The following NAA30 variants were observed in gnomAD, a reference collection of about 807,000 sequenced individuals.
NAA30 encodes N-alpha-acetyltransferase 30.
A neutral mutation model predicts 31.4 loss-of-function variants in NAA30; 5 were observed. That is an observed-to-expected ratio of 0.16 (90% CI 0.08 to 0.33). NAA30 has a LOEUF of 0.33. Ranked by LOEUF, NAA30 falls within the 10% of genes least tolerant of loss-of-function variation. NAA30 has a pLI of 1.00. For missense variants in NAA30, 428 were observed against 490.8 expected (o/e 0.87, Z 1.21); for synonymous variants, 222 against 207.1 (o/e 1.07, Z -0.62).
intron 3 of NAA30, among the ~76,000 whole-genome samples, chr14:57,398,155 A>G (rs2066459218): frequency 6.6e-6 from 1 of 152,198 alleles, no homozygotes. Context: ...CCTAGGTATC[A>G]TGAGAAGTAA....
Position 57,413,492 on chromosome 14 carries a change from G to T in NAA30, c.*3976G>T, listed in dbSNP as rs980341886. On this transcript the variant is annotated 3_prime_UTR_variant, in exon 5 of 5. Transcript: ENST00000556492. Reference sequence around the variant, plus strand: ...ATCAGTATTAACCTGTAGCCCAGAGGTGTTAGATTTATTTTTTGAGACAGA... The same window carrying T: ...ATCAGTATTAACCTGTAGCCCAGAGTTGTTAGATTTATTTTTTGAGACAGA... 3.9e-5 allele frequency: 6 copies of T among 152,184 alleles called. No individual in the cohort carries two copies. The highest frequency in any genetic ancestry group is 1.4e-4 in the African/African-American group (6 of 41,434). 9.4% of individuals were successfully genotyped at this position (152,184 alleles called of 1,614,324 possible).
rs1387040501 is a variant in NAA30, at chr14:57,415,544, G to A, written c.*6028G>A. 8 of 152,244 alleles carry A rather than the reference G, an allele frequency of 5.3e-5. No individual in the cohort carries two copies. Among genetic ancestry groups the A allele is most frequent in the South Asian group, 2.1e-4 (1 of 4,824 alleles). The allele number at this position is 152,244 out of a possible 1,614,324, so 9.4% of individuals were successfully genotyped here. On this transcript the variant is annotated 3_prime_UTR_variant, in exon 5 of 5. Coordinates refer to ENST00000556492, the MANE Select transcript of NAA30 (RefSeq NM_001011713.3). ...AAAATGCGTGTATTTTTAGGAATGC[G>A]CTATTTCCAGTAAGGGAAGTATTGA...
intron 4 of NAA30, among the ~76,000 whole-genome samples, chr14:57,408,052 A>G (rs1487680536): frequency 6.6e-6 from 1 of 152,204 alleles, no homozygotes; most frequent in Admixed American, 6.5e-5. Flanking sequence ...GAGGAAGAGC[A>G]GATTATGAGT....
intron 2 of NAA30, among the ~76,000 whole-genome samples, chr14:57,392,388 T>C (rs1218452864): frequency 6.6e-6 from 1 of 151,932 alleles, no homozygotes; most frequent in Non-Finnish European, 1.5e-5. Context: ...AGAAAACTTG[T>C]GTGAAATTGT....
At chr14:57,402,017 A>G (rs532814332) in intron 4 of NAA30, among the ~76,000 whole-genome samples, 1 of 152,306 alleles carries the variant, frequency 6.6e-6, no homozygotes, top group South Asian at 2.1e-4. Context: ...ATGGTTTTGC[A>G]GTTTGTGAAT....
At chr14:57,396,927 GT>G (rs769470583) in intron 3 of NAA30, 52 bp downstream of exon 3, 428 of 1,566,260 alleles carry the variant, frequency 2.7e-4, no homozygotes, top group Non-Finnish European at 3.6e-4. Context: ...TTTCATTTTT[GT>G]TGTGTTTTGA....
intron 3 of NAA30, 38 bp downstream of exon 3, chr14:57,396,913 C>T (rs748525838): frequency 1.3e-6 from 2 of 1,589,288 alleles, no homozygotes; most frequent in Non-Finnish European, 8.6e-7. Flanking sequence ...AATGCCTAAG[C>T]TATTTTCATT....
In NAA30 at chr14:57,409,803, T is replaced by C. The variant is rs1465735403; in HGVS notation, c.*287T>C. On this transcript the variant is annotated 3_prime_UTR_variant, in exon 5 of 5. Transcript: ENST00000556492. ...TGCAAAGTCTGCTGACAATGTTATT[T>C]ACACAGTGATCATTTTATCACAGAA... 3.8e-6 allele frequency: 1 copy of C among 261,330 alleles called. No individual in the cohort carries two copies. The highest frequency in any genetic ancestry group is 7.2e-6 in the Non-Finnish European group (1 of 139,634). 16.2% of individuals were successfully genotyped at this position (261,330 alleles called of 1,614,324 possible). A position where few individuals can be genotyped will look rare whatever the true frequency, so the allele number is the denominator to read the frequency against.
At position 57,398,414 on chromosome 14, in the gene NAA30, C is replaced by T. The variant is rs555458123; in HGVS notation, c.896-1414C>T. Among the ~76,000 whole-genome samples, 38 of 152,196 alleles carry T rather than the reference C, an allele frequency of 2.5e-4. 1 individual carries two copies. The South Asian group carries it at 7.1e-3, about 28-fold the overall frequency. On this transcript the variant is annotated intron_variant, in intron 3 of 4. Coordinates refer to ENST00000556492, the MANE Select transcript of NAA30 (RefSeq NM_001011713.3). ...CATACTTTGTTTGGGCCATAAAATGCGTGCATACTTGTATGCATGGCTTGA... is the reference window on the plus strand; with the variant it reads ...CATACTTTGTTTGGGCCATAAAATGTGTGCATACTTGTATGCATGGCTTGA...
At chr14:57,397,786 G>A (rs763287384) in intron 3 of NAA30, among the ~76,000 whole-genome samples, 3 of 152,156 alleles carry the variant, frequency 2.0e-5, no homozygotes, top group Non-Finnish European at 2.9e-5. Flanking sequence ...TTAGCTGGGA[G>A]TGGTGGTGGG....
In NAA30 at chr14:57,415,761, G is replaced by C. The variant is rs1164068697; in HGVS notation, c.*6245G>C. On this transcript the variant is annotated 3_prime_UTR_variant, in exon 5 of 5. Coordinates refer to ENST00000556492, the MANE Select transcript of NAA30 (RefSeq NM_001011713.3). ...TATATGGTTATTGATCATTTTTAAG[G>C]GGCTGAACCTGCTGCCTTTATACTT... 6.6e-6 allele frequency: 1 copy of C among 151,970 alleles called. No individual in the cohort carries two copies. Among genetic ancestry groups the C allele is most frequent in the Non-Finnish European group, 1.5e-5 (1 of 68,004 alleles). 9.4% of individuals were successfully genotyped at this position (151,970 alleles called of 1,614,324 possible).
intron 4 of NAA30, among the ~76,000 whole-genome samples, chr14:57,408,712 G>A (rs953302207): frequency 6.6e-6 from 1 of 152,134 alleles, no homozygotes; most frequent in African/African-American, 2.4e-5. Flanking sequence ...AAACTTTCTT[G>A]GTAAAAGGCC....
chr14:57,409,942 GGGAGACGCTTCAGTTTTA>G lies in NAA30; in HGVS notation c.*429_*446del, dbSNP rs1447396600. The G allele has an allele frequency of 1.3e-5, 2 of 154,526 alleles. No individual in the cohort carries two copies. Among genetic ancestry groups the G allele is most frequent in the East Asian group, 3.8e-4 (2 of 5,230 alleles). The allele number at this position is 154,526 out of a possible 1,614,324, so 9.6% of individuals were successfully genotyped here. The stretch of plus-strand genomic sequence containing the variant: ...TGCCCTAGTTTTCTGAAGTGGGTGA[GGGAGACGCTTCAGTTTTA>G]GGTTTTATTTTTTCAATATTAAATT... On this transcript the variant is annotated 3_prime_UTR_variant, in exon 5 of 5. Coordinates refer to ENST00000556492, the MANE Select transcript of NAA30 (RefSeq NM_001011713.3).
In NAA30 at chr14:57,412,325, T is replaced by C. The variant is rs1275418635; in HGVS notation, c.*2809T>C. 1 of 152,208 alleles carries C rather than the reference T, an allele frequency of 6.6e-6. No individual in the cohort carries two copies. Among genetic ancestry groups the C allele is most frequent in the African/African-American group, 2.4e-5 (1 of 41,458 alleles). The allele number at this position is 152,208 out of a possible 1,614,324, so 9.4% of individuals were successfully genotyped here. A position where few individuals can be genotyped will look rare whatever the true frequency, so the allele number is the denominator to read the frequency against. On this transcript the variant is annotated 3_prime_UTR_variant, in exon 5 of 5. Coordinates refer to ENST00000556492, the MANE Select transcript of NAA30 (RefSeq NM_001011713.3). ...ATGTAAAGCAGTTTGTTTTTTCATG[T>C]TTTAACTTTACCTTGCCCTGTGTTA...
intron 4 of NAA30, among the ~76,000 whole-genome samples, chr14:57,401,475 C>T (rs1182910773): frequency 2.0e-5 from 3 of 152,140 alleles, no homozygotes; most frequent in African/African-American, 4.8e-5. Flanking sequence ...ACTGAAATTT[C>T]GAGGAGAGAA....
At position 57,397,134 on chromosome 14, in the gene NAA30, T is replaced by A. The variant is rs527931182; in HGVS notation, c.895+259T>A. ...ATCAGCTTTCACCTGCAGATTTTTTTAATCACATTCAAAATGCTTTGCATT... is the reference window on the plus strand; with the variant it reads ...ATCAGCTTTCACCTGCAGATTTTTTAAATCACATTCAAAATGCTTTGCATT... On this transcript the variant is annotated intron_variant, in intron 3 of 4. Transcript: ENST00000556492. Among the ~76,000 whole-genome samples, 12 of 152,338 alleles carry A rather than the reference T, an allele frequency of 7.9e-5. 2 individuals are homozygous for A. Among genetic ancestry groups the A allele is most frequent in the South Asian group, 2.1e-4 (1 of 4,822 alleles).
rs148072493 is a variant in NAA30 at position 57,396,670 on chromosome 14, A to G, written c.772-82A>G. ...CTTCCCCCGTCGAAAATGCTTACCA[A>G]TGGTTGGTTGTTGTTTTCTCTGGAT... On this transcript the variant is annotated intron_variant, in intron 2 of 4. Coordinates refer to ENST00000556492, the MANE Select transcript of NAA30 (RefSeq NM_001011713.3). 1.9e-4 allele frequency: 279 copies of G among 1,463,638 alleles called. 3 individuals are homozygous for G. The African/African-American group carries it at 2.3e-3, about 12-fold the overall frequency. The allele number at this position is 1,463,638 out of a possible 1,614,324, so 90.7% of individuals were successfully genotyped here. A position where few individuals can be genotyped will look rare whatever the true frequency, so the allele number is the denominator to read the frequency against.
At chr14:57,399,674 G>A (rs1017479519) in intron 3 of NAA30, among the ~76,000 whole-genome samples, 154 bp from the exon 4 acceptor site, 5 of 152,164 alleles carry the variant, frequency 3.3e-5, no homozygotes, top group Non-Finnish European at 5.9e-5. Flanking sequence ...TTAGCTTATA[G>A]CTAAAATTTT....
intron 4 of NAA30, among the ~76,000 whole-genome samples, chr14:57,400,984 A>C (rs1244357392): frequency 2.7e-5 from 4 of 150,538 alleles, no homozygotes; most frequent in Non-Finnish European, 4.4e-5. Context: ...TGATCCTTCC[A>C]CCTCAGCCTC....
Sources: allele counts gnomAD v4.1 joint callset (sites outside exome capture counted in the v4.1 genomes callset), GRCh38; gene constraint gnomAD v4.1.1; transcripts MANE v1.5; gene names NCBI Gene and HGNC (gene_info 2026-07-23, HGNC 2026-07-21).